The following OPCML variants were observed in gnomAD, a reference collection of about 807,000 sequenced individuals.
OPCML encodes the protein opioid-binding protein/cell adhesion molecule.
A neutral mutation model predicts 37.8 loss-of-function variants in OPCML; 13 were observed. That is an observed-to-expected ratio of 0.34 (90% CI 0.22 to 0.55). The LOEUF is 0.55. Ranked by LOEUF, OPCML falls within the 20% of genes least tolerant of loss-of-function variation. OPCML has a pLI of 0.91. For synonymous variants in OPCML, 176 were observed against 168.8 expected (o/e 1.04, Z -0.33); for missense variants, 341 against 435.6 (o/e 0.78, Z 1.93).
At chr11:133,311,016 A>G (rs1274951798) in intron 1 of OPCML, among the ~76,000 whole-genome samples, 1 of 152,238 alleles carries the variant, frequency 6.6e-6, no homozygotes, top group Non-Finnish European at 1.5e-5. Context: ...ACAATTGCCA[A>G]CCAGATGGCA....
At chr11:132,677,548 C>T (rs1942762212) in intron 2 of OPCML, among the ~76,000 whole-genome samples, 1 of 152,046 alleles carries the variant, frequency 6.6e-6, no homozygotes, top group South Asian at 2.1e-4. Flanking sequence ...GTATTATTGG[C>T]CAAAGAATAG....
intron 2 of OPCML, among the ~76,000 whole-genome samples, chr11:132,825,259 A>G (rs1205967960): frequency 6.6e-6 from 1 of 152,164 alleles, no homozygotes; most frequent in Non-Finnish European, 1.5e-5. Context: ...TACATTACTT[A>G]GAGTCTAACT....
intron 1 of OPCML, among the ~76,000 whole-genome samples, chr11:133,039,149 A>T (rs1947838099): frequency 6.6e-6 from 1 of 152,142 alleles, no homozygotes; most frequent in Non-Finnish European, 1.5e-5. Flanking sequence ...GAGGGTTGGC[A>T]GGGGAGTGCC....
At chr11:132,484,682 C>T (rs10791231) in intron 4 of OPCML, among the ~76,000 whole-genome samples, 76,017 of 148,806 alleles carry the variant, frequency 0.51, 19,905 homozygotes, top group East Asian at 0.8. Context: ...TGTCCAACAA[C>T]GATAGACTGG....
At chr11:133,265,130 A>C (rs887650449) in intron 1 of OPCML, among the ~76,000 whole-genome samples, 7 of 152,186 alleles carry the variant, frequency 4.6e-5, no homozygotes, top group Non-Finnish European at 7.3e-5. Flanking sequence ...ACCAGCTGCC[A>C]GAGAGGAGTG....
At chr11:132,942,762 G>C (rs1439111502) in intron 2 of OPCML, among the ~76,000 whole-genome samples, 164 bp downstream of exon 2, 1 of 152,222 alleles carries the variant, frequency 6.6e-6, no homozygotes, top group African/African-American at 2.4e-5. Flanking sequence ...AACCTGTCCA[G>C]GGGCACGGCA....
At chr11:132,619,247 T>C (rs1339755880) in intron 3 of OPCML, among the ~76,000 whole-genome samples, 1 of 152,202 alleles carries the variant, frequency 6.6e-6, no homozygotes, top group Non-Finnish European at 1.5e-5. Context: ...CTGCCCATTA[T>C]GGAGTCTCAT....
chr11:132,569,023 G>T (rs373985584), intron 3 of OPCML, among the ~76,000 whole-genome samples: 3 of 152,208 alleles, frequency 2.0e-5, no homozygotes, highest in African/African-American at 7.2e-5. Context: ...AGATACAGGA[G>T]ATGAAATCCG....
chr11:133,096,569 A>G (rs1273083648), intron 1 of OPCML, among the ~76,000 whole-genome samples: 5 of 152,086 alleles, frequency 3.3e-5, no homozygotes, highest in Admixed American at 2.0e-4. Context: ...GTCTGAAAAC[A>G]TCGATTAAAA....
At chr11:132,477,018 T>C (rs1000435916) in intron 4 of OPCML, among the ~76,000 whole-genome samples, 1 of 152,168 alleles carries the variant, frequency 6.6e-6, no homozygotes, top group Non-Finnish European at 1.5e-5. Context: ...CAAAAATAGG[T>C]AAATTGACCA....
intron 1 of OPCML, among the ~76,000 whole-genome samples, chr11:133,251,065 C>T (rs1941117042): frequency 1.3e-5 from 2 of 152,042 alleles, no homozygotes; most frequent in Admixed American, 6.6e-5. Flanking sequence ...GTAAAGGACC[C>T]GTGGTCACTC....
chr11:133,390,500 G>C (rs1338085257), intron 1 of OPCML, among the ~76,000 whole-genome samples: 1 of 152,088 alleles, frequency 6.6e-6, no homozygotes, highest in Non-Finnish European at 1.5e-5. Context: ...AAAAAAGGTA[G>C]CTGCAAGTCT....
chr11:132,535,601 A>T (rs1049434689), intron 3 of OPCML, among the ~76,000 whole-genome samples: 10 of 152,190 alleles, frequency 6.6e-5, no homozygotes, highest in African/African-American at 2.4e-4. Flanking sequence ...AGACAGGACA[A>T]GATAAAGGAA....
intron 1 of OPCML, among the ~76,000 whole-genome samples, chr11:132,952,874 G>A (rs1355254376): frequency 2.0e-5 from 3 of 152,040 alleles, no homozygotes; most frequent in Non-Finnish European, 4.4e-5. Context: ...CATCCTTAAT[G>A]CCAGAATGAT....
chr11:133,525,953 A>G (rs1948482258), intron 1 of OPCML, among the ~76,000 whole-genome samples: 3 of 152,244 alleles, frequency 2.0e-5, no homozygotes, highest in South Asian at 2.1e-4. Context: ...CGCCTGCATC[A>G]TAATGATAAT....
At chr11:132,523,556 C>A (rs1275761232) in intron 4 of OPCML, among the ~76,000 whole-genome samples, 1 of 152,078 alleles carries the variant, frequency 6.6e-6, no homozygotes, top group Admixed American at 6.6e-5. Flanking sequence ...GACAGGTGCA[C>A]TGACTTTAGG....
chr11:133,145,344 T>C (rs1242257787), intron 1 of OPCML, among the ~76,000 whole-genome samples: 1 of 152,122 alleles, frequency 6.6e-6, no homozygotes, highest in African/African-American at 2.4e-5. Flanking sequence ...CAATGTTGAC[T>C]GGCAATTATA....
intron 1 of OPCML, among the ~76,000 whole-genome samples, chr11:133,248,004 AT>A (rs1941006635): frequency 6.6e-6 from 1 of 152,212 alleles, no homozygotes; most frequent in African/African-American, 2.4e-5. Flanking sequence ...TTGGGAGACC[AT>A]TTTTTATTTT....
chr11:132,923,714 A>G (rs577886420), intron 2 of OPCML, among the ~76,000 whole-genome samples: 1,614 of 141,680 alleles, frequency 0.011, 37 homozygotes, highest in African/African-American at 0.038. Context: ...TCAAACAGAC[A>G]TTATTAACAT....
Sources: gnomAD v4.1 joint callset for allele counts (sites outside exome capture counted in the v4.1 genomes callset) on GRCh38, gnomAD v4.1.1 for gene constraint, MANE v1.5 for transcripts, NCBI Gene and HGNC (gene_info 2026-07-23, HGNC 2026-07-21) for gene names.